The following MAF variants were observed in gnomAD, a reference collection of about 807,000 sequenced individuals.
MAF encodes the protein transcription factor Maf.
MAF carries 10 observed loss-of-function variants against 22.0 expected under a neutral mutation model. The ratio of observed to expected loss-of-function variants is 0.45; its 90% confidence interval spans 0.28 to 0.77. The LOEUF is 0.77. MAF is among the 30% of genes least tolerant of loss of function. MAF has a pLI of 0.12. For missense variants in MAF, 544 were observed against 548.4 expected, an observed-to-expected ratio of 0.99 and a Z score of 0.08; for synonymous variants, 337 against 255.8, an observed-to-expected ratio of 1.32 and a Z score of -3.03.
At chr16:79,262,372 A>G in the MAF span, among the ~76,000 whole-genome samples, 35 of 152,216 alleles carry the variant, frequency 2.3e-4, no homozygotes, top group Non-Finnish European at 2.9e-4. Context: ...GCCTAAAGCA[A>G]TAGAAAATGT....
chr16:79,376,154 T>C, the MAF span, among the ~76,000 whole-genome samples: 2 of 152,182 alleles, frequency 1.3e-5, no homozygotes, highest in Admixed American at 1.3e-4. Flanking sequence ...AAGGTAAATG[T>C]TACTTCTTCG....
At chr16:79,265,450 A>G in the MAF span, among the ~76,000 whole-genome samples, 2 of 152,172 alleles carry the variant, frequency 1.3e-5, no homozygotes, top group Non-Finnish European at 2.9e-5. Context: ...TAAGGAAGAA[A>G]TAAGTACAGC....
the MAF span, among the ~76,000 whole-genome samples, chr16:79,367,484 T>G: frequency 3.9e-5 from 6 of 152,212 alleles, no homozygotes; most frequent in African/African-American, 9.6e-5. Flanking sequence ...ATCCAAGACA[T>G]GACCCTTATA....
At chr16:79,439,047 G>A in the MAF span, among the ~76,000 whole-genome samples, 4 of 152,154 alleles carry the variant, frequency 2.6e-5, no homozygotes, top group Admixed American at 6.5e-5. Context: ...AGATATTGTC[G>A]TGTCCCCTAG....
the MAF span, among the ~76,000 whole-genome samples, chr16:79,535,925 G>T: frequency 1.3e-4 from 20 of 152,150 alleles, no homozygotes; most frequent in African/African-American, 4.3e-4. Flanking sequence ...ATGTGATACC[G>T]CCATGAAGTC....
the MAF span, among the ~76,000 whole-genome samples, chr16:79,552,545 AT>A: frequency 4.6e-5 from 7 of 152,154 alleles, no homozygotes; most frequent in African/African-American, 1.7e-4. Flanking sequence ...TACTAAGAGA[AT>A]TCTTTATCTT....
chr16:79,364,418 C>A, the MAF span, among the ~76,000 whole-genome samples: 3 of 152,008 alleles, frequency 2.0e-5, no homozygotes, highest in South Asian at 6.2e-4. Flanking sequence ...AGGAGACACA[C>A]AGAAGATGCT....
At chr16:79,233,120 G>A in the MAF span, among the ~76,000 whole-genome samples, 5 of 152,046 alleles carry the variant, frequency 3.3e-5, no homozygotes, top group South Asian at 2.1e-4. Context: ...GATTATAGGC[G>A]TGAACCACCG....
the MAF span, among the ~76,000 whole-genome samples, chr16:79,350,043 C>A: frequency 6.6e-6 from 1 of 152,226 alleles, no homozygotes; most frequent in African/African-American, 2.4e-5. Context: ...ACTGCCCCAG[C>A]CTGAATCACA....
At chr16:79,532,099 A>T in the MAF span, among the ~76,000 whole-genome samples, 1 of 152,164 alleles carries the variant, frequency 6.6e-6, no homozygotes, top group Non-Finnish European at 1.5e-5. Flanking sequence ...ACTTATACTA[A>T]AATATATTTG....
chr16:79,421,760 T>G, the MAF span, among the ~76,000 whole-genome samples: 2 of 151,942 alleles, frequency 1.3e-5, no homozygotes, highest in Admixed American at 6.5e-5. Flanking sequence ...CTCAGCCTCT[T>G]GAGTAGTGAA....
At chr16:79,453,789 C>T in the MAF span, among the ~76,000 whole-genome samples, 7 of 152,196 alleles carry the variant, frequency 4.6e-5, no homozygotes, top group Admixed American at 2.0e-4. Flanking sequence ...TTATTGGAGA[C>T]TGGCTTTGAC....
At chr16:79,347,227 T>A in the MAF span, among the ~76,000 whole-genome samples, 2 of 152,214 alleles carry the variant, frequency 1.3e-5, no homozygotes, top group African/African-American at 4.8e-5. Context: ...CCGTTTTGAC[T>A]GCAGCTGCAC....
At chr16:79,529,336 T>C in the MAF span, among the ~76,000 whole-genome samples, 1 of 152,178 alleles carries the variant, frequency 6.6e-6, no homozygotes, top group African/African-American at 2.4e-5. Flanking sequence ...GCAAACTATG[T>C]AGCTATTCAG....
chr16:79,430,738 A>G, the MAF span, among the ~76,000 whole-genome samples: 3 of 152,174 alleles, frequency 2.0e-5, no homozygotes, highest in Non-Finnish European at 4.4e-5. Context: ...ACTTCAATAC[A>G]TAAAGCCCAG....
the MAF span, among the ~76,000 whole-genome samples, chr16:79,572,296 A>C: frequency 3.1e-4 from 47 of 152,298 alleles, no homozygotes; most frequent in South Asian, 8.3e-4. Context: ...TTTGCCCTGC[A>C]TCTGCGATTG....
At chr16:79,382,231 T>C in the MAF span, among the ~76,000 whole-genome samples, 1 of 152,214 alleles carries the variant, frequency 6.6e-6, no homozygotes, top group Non-Finnish European at 1.5e-5. Flanking sequence ...GATCTAAGAA[T>C]TTCACCTGGT....
chr16:79,320,736 T>A, the MAF span, among the ~76,000 whole-genome samples: 1 of 152,348 alleles, frequency 6.6e-6, no homozygotes, highest in Middle Eastern at 3.4e-3. Flanking sequence ...TTAAATGATA[T>A]AAAACTATAG....
the MAF span, among the ~76,000 whole-genome samples, chr16:79,525,704 A>T: frequency 6.6e-6 from 1 of 151,980 alleles, no homozygotes; most frequent in Non-Finnish European, 1.5e-5. Flanking sequence ...GCCTGCTAAG[A>T]TTTTTTTTCT....
Sources: allele counts gnomAD v4.1 joint callset (sites outside exome capture counted in the v4.1 genomes callset), GRCh38; gene constraint gnomAD v4.1.1; transcripts MANE v1.5; gene names NCBI Gene and HGNC (gene_info 2026-07-23, HGNC 2026-07-21).